GOLM2: variants seen among roughly 807,000 people sequenced by gnomAD.
GOLM2 encodes the protein protein GOLM2.
In GOLM2, 26 loss-of-function variants were observed where a neutral mutation model predicts 55.9. That is an observed-to-expected ratio of 0.47 (90% CI 0.34 to 0.65). The LOEUF is 0.65. GOLM2 is among the 30% of genes least tolerant of loss of function. The pLI, the probability that GOLM2 is intolerant of heterozygous loss-of-function variation, is 0.01. For missense variants in GOLM2, 486 were observed against 531.8 expected, an observed-to-expected ratio of 0.91 and a Z score of 0.85; for synonymous variants, 165 against 194.6, an observed-to-expected ratio of 0.85 and a Z score of 1.27.
At chr15:44,400,412 G>A (rs888669118) in intron 8 of GOLM2, among the ~76,000 whole-genome samples, 16 of 151,056 alleles carry the variant, frequency 1.1e-4, no homozygotes, top group Non-Finnish European at 1.8e-4. Flanking sequence ...TCCGCCTCCC[G>A]GGTTCCAGTG....
chr15:44,345,295 CAG>C (rs2079116455), intron 6 of GOLM2, among the ~76,000 whole-genome samples: 1 of 147,032 alleles, frequency 6.8e-6, no homozygotes, highest in Non-Finnish European at 1.5e-5. Context: ...TTTTTTGAGA[CAG>C]AGTCTCGCTG....
chr15:44,387,399 T>A (rs979520474), intron 8 of GOLM2: 3 of 152,220 alleles, frequency 2.0e-5, no homozygotes, highest in Non-Finnish European at 4.4e-5. Context: ...ATTTTATTGT[T>A]TTGATGTCAT....
chr15:44,386,379 T>A (rs990736688), intron 8 of GOLM2, among the ~76,000 whole-genome samples: 2 of 152,228 alleles, frequency 1.3e-5, no homozygotes, highest in Non-Finnish European at 2.9e-5. Context: ...TAAGTTCTGT[T>A]ACATTTATCT....
At chr15:44,312,980 G>A (rs1481536367) in intron 1 of GOLM2, among the ~76,000 whole-genome samples, 1 of 152,114 alleles carries the variant, frequency 6.6e-6, no homozygotes. Context: ...TTGGGAGGCC[G>A]AGACAGGAGA....
intron 1 of GOLM2, among the ~76,000 whole-genome samples, chr15:44,292,184 C>CATATAT (rs959343338): frequency 1.3e-4 from 19 of 144,660 alleles, no homozygotes; most frequent in African/African-American, 4.1e-4. Context: ...TGTATACATA[C>CATATAT]ATATATATAT....
intron 1 of GOLM2, among the ~76,000 whole-genome samples, chr15:44,321,663 C>G (rs1268482730): frequency 6.6e-6 from 1 of 152,162 alleles, no homozygotes; most frequent in African/African-American, 2.4e-5. Flanking sequence ...ACATAAGATG[C>G]ACCCATTGTG....
intron 6 of GOLM2, among the ~76,000 whole-genome samples, chr15:44,369,079 A>AT (rs796346928): frequency 6.0e-4 from 39 of 64,494 alleles, no homozygotes; most frequent in East Asian, 3.4e-3. Context: ...ATATATATAT[A>AT]TATATATATA....
chr15:44,380,005 G>A lies in GOLM2; in HGVS notation c.901+217G>A, dbSNP rs2079391533. ...GTTAGTCTTTTTCTTAAGAACAGAA[G>A]AATTATTTATTATGCCACTCTGAGC... On this transcript the variant is annotated intron_variant, in intron 7 of 9. Coordinates refer to ENST00000299957, the MANE Select transcript of GOLM2 (RefSeq NM_138423.4). Among the ~76,000 whole-genome samples the A allele has an allele frequency of 3.9e-5, 6 of 152,030 alleles. No individual in the cohort carries two copies. The South Asian group carries it at 1.2e-3, about 31-fold the overall frequency.
chr15:44,350,753 A>G (rs2079156103), intron 6 of GOLM2, among the ~76,000 whole-genome samples: 1 of 152,220 alleles, frequency 6.6e-6, no homozygotes, highest in African/African-American at 2.4e-5. Flanking sequence ...GAATTAAGGA[A>G]CATATTAAAA....
intron 8 of GOLM2, among the ~76,000 whole-genome samples, chr15:44,392,978 T>TAC (rs1284662354): frequency 1.3e-5 from 2 of 152,196 alleles, no homozygotes; most frequent in Admixed American, 6.6e-5. Flanking sequence ...TAGAAAAGGA[T>TAC]ACCCACCATC....
intron 6 of GOLM2, chr15:44,355,649 A>G: frequency 4.4e-6 from 1 of 227,732 alleles, no homozygotes; most frequent in Non-Finnish European, 9.0e-6. Flanking sequence ...TGCTACAGCA[A>G]CGGGGTGGTG....
intron 6 of GOLM2, among the ~76,000 whole-genome samples, chr15:44,370,420 T>TA: frequency 6.6e-6 from 1 of 152,266 alleles, no homozygotes; most frequent in Middle Eastern, 3.4e-3. Context: ...GTAATTAGTC[T>TA]AGTGTGGTGA....
At position 44,369,089 on chromosome 15, in the gene GOLM2, ATATATATAT is replaced by A. The variant is rs199564695; in HGVS notation, c.803-10600_803-10592del. Among the ~76,000 whole-genome samples the A allele has an allele frequency of 7.5e-3, 625 of 83,364 alleles. 30 individuals carry two copies. The highest frequency in any genetic ancestry group is 0.026 in the African/African-American group (597 of 22,812). 54.7% of individuals were successfully genotyped at this position (83,364 alleles called of 152,430 possible). A position where few individuals can be genotyped will look rare whatever the true frequency, so the allele number is the denominator to read the frequency against. On this transcript the variant is annotated intron_variant, in intron 6 of 9. Coordinates refer to ENST00000299957, the MANE Select transcript of GOLM2 (RefSeq NM_138423.4). ...ATATTATATATATATATATATATAT[ATATATATAT>A]ATATATATATATATATATACCCGGC...
chr15:44,395,361 A>T (rs1288790793), intron 8 of GOLM2, among the ~76,000 whole-genome samples: 3 of 151,930 alleles, frequency 2.0e-5, no homozygotes. Flanking sequence ...CCGTAAACGA[A>T]CATCAGACTA....
intron 4 of GOLM2, among the ~76,000 whole-genome samples, chr15:44,333,723 CT>C (rs944310899): frequency 2.0e-4 from 30 of 146,348 alleles, no homozygotes; most frequent in Admixed American, 2.7e-4. Flanking sequence ...CTTCTATTCT[CT>C]TTTTTTTTTT....
At chr15:44,377,903 TC>T (rs1386622065) in intron 6 of GOLM2, among the ~76,000 whole-genome samples, 1 of 151,576 alleles carries the variant, frequency 6.6e-6, no homozygotes, top group African/African-American at 2.4e-5. Flanking sequence ...GAGATACTCT[TC>T]AGATGATAAC....
intron 9 of GOLM2, among the ~76,000 whole-genome samples, chr15:44,404,887 A>G (rs2079588013): frequency 6.6e-6 from 1 of 152,114 alleles, no homozygotes; most frequent in Non-Finnish European, 1.5e-5. Context: ...TTCTGGTATT[A>G]CAAGGTTGCT....
intron 8 of GOLM2, among the ~76,000 whole-genome samples, chr15:44,392,957 C>T (rs2079501441): frequency 6.6e-6 from 1 of 152,150 alleles, no homozygotes; most frequent in Non-Finnish European, 1.5e-5. Flanking sequence ...CAAAAACCTT[C>T]CCTTGAGATC....
intron 9 of GOLM2, among the ~76,000 whole-genome samples, chr15:44,407,237 A>G (rs933108562): frequency 6.8e-6 from 1 of 146,434 alleles, no homozygotes; most frequent in African/African-American, 2.5e-5. Flanking sequence ...TTTATATTAT[A>G]ATTTATGATA....
Sources: allele counts gnomAD v4.1 joint callset (sites outside exome capture counted in the v4.1 genomes callset), GRCh38; gene constraint gnomAD v4.1.1; transcripts MANE v1.5; gene names NCBI Gene and HGNC (gene_info 2026-07-23, HGNC 2026-07-21).